CORO7: variants seen among roughly 807,000 people sequenced by gnomAD.
The protein encoded by CORO7 is coronin 7, also known as coronin-7.
A neutral mutation model predicts 126.6 loss-of-function variants in CORO7; 107 were observed. The observed-to-expected ratio is 0.85, with a 90% CI of 0.72 to 0.99. The LOEUF is 0.99. CORO7 is among the 50% of genes least tolerant of loss of function. CORO7 has a pLI of 0.00. For synonymous variants in CORO7, 603 were observed against 536.8 expected (o/e 1.12, Z -1.70); for missense variants, 1,314 against 1,255.8 (o/e 1.05, Z -0.70).
chr16:4,378,091 C>A (rs2054813590), intron 9 of CORO7, among the ~76,000 whole-genome samples: 1 of 152,160 alleles, frequency 6.6e-6, no homozygotes. Flanking sequence ...GTGAAGAGCA[C>A]CCCCCAGCAC....
chr16:4,361,767 C>T (rs753223765), intron 16 of CORO7: 3 of 849,800 alleles, frequency 3.5e-6, no homozygotes, highest in Non-Finnish European at 5.8e-6. Flanking sequence ...GTGACCCGGG[C>T]AGGTCACTAA....
intron 9 of CORO7, among the ~76,000 whole-genome samples, chr16:4,378,336 G>A (rs1227627145): frequency 2.0e-5 from 3 of 152,052 alleles, no homozygotes; most frequent in Admixed American, 1.3e-4. Flanking sequence ...TGCGGCCACA[G>A]TGGTGGCCAG....
At chr16:4,381,992 C>T in intron 9 of CORO7, 1 of 1,606,958 alleles carries the variant, frequency 6.2e-7, no homozygotes, top group Middle Eastern at 1.7e-4. Flanking sequence ...ACAGCCTTGT[C>T]TTCTAGCTTG....
chr16:4,357,328 G>A (rs1288832866), intron 25 of CORO7, 69 bp from the exon 26 acceptor site: 1 of 1,424,458 alleles, frequency 7.0e-7, no homozygotes, highest in East Asian at 2.5e-5. Context: ...AAGCCCTCGG[G>A]GATTTCTTTC....
intron 3 of CORO7, among the ~76,000 whole-genome samples, chr16:4,409,597 G>A (rs368558420): frequency 2.0e-5 from 3 of 152,342 alleles, no homozygotes; most frequent in African/African-American, 7.2e-5. Context: ...CCCAGAGAGG[G>A]TGAGTAACTG....
intron 23 of CORO7, 24 bp from the exon 24 acceptor site, chr16:4,358,507 C>T (rs1327648823): frequency 1.3e-5 from 20 of 1,564,968 alleles, no homozygotes; most frequent in Non-Finnish European, 1.6e-5. Context: ...GGAGTCGGAG[C>T]TGCCGCTGGG....
chr16:4,413,201 C>T (rs1024578534), intron 2 of CORO7, 107 bp downstream of exon 2: 32 of 1,206,184 alleles, frequency 2.7e-5, no homozygotes, highest in Admixed American at 7.2e-5. Context: ...AAAGCAGTTC[C>T]GTTCCAAGTC....
chr16:4,378,822 C>T (rs985767300), intron 9 of CORO7, among the ~76,000 whole-genome samples: 3 of 151,970 alleles, frequency 2.0e-5, no homozygotes, highest in Non-Finnish European at 4.4e-5. Flanking sequence ...GGGGACACCG[C>T]TAGGTTGGGG....
intron 24 of CORO7, 46 bp downstream of exon 24, chr16:4,358,321 C>T (rs1053969116): frequency 6.3e-7 from 1 of 1,598,302 alleles, no homozygotes; most frequent in African/African-American, 1.3e-5. Context: ...CCCCTCTAGG[C>T]ACCGAGAAGG....
intron 21 of CORO7, among the ~76,000 whole-genome samples, chr16:4,359,963 C>T (rs1182924691): frequency 8.4e-6 from 1 of 118,720 alleles, no homozygotes; most frequent in Non-Finnish European, 1.8e-5. Context: ...CCCTCCATCT[C>T]CCCTACCCCC....
At chr16:4,378,374 C>T (rs1049149769) in intron 9 of CORO7, among the ~76,000 whole-genome samples, 1 of 152,162 alleles carries the variant, frequency 6.6e-6, no homozygotes, top group African/African-American at 2.4e-5. Flanking sequence ...CGTGGAGGAT[C>T]CCCTCCCACT....
intron 5 of CORO7, among the ~76,000 whole-genome samples, chr16:4,406,473 A>AT (rs1224960331): frequency 4.7e-5 from 7 of 147,540 alleles, no homozygotes; most frequent in African/African-American, 1.8e-4. Flanking sequence ...TGATTTTTTA[A>AT]TTTTTTGTAG....
chr16:4,387,732 T>C, intron 9 of CORO7: 1 of 567,524 alleles, frequency 1.8e-6, no homozygotes, highest in Non-Finnish European at 3.2e-6. Flanking sequence ...CCCCCAGCCA[T>C]GAAACCTCTG....
At chr16:4,367,893 G>A (rs1354463588) in intron 9 of CORO7, among the ~76,000 whole-genome samples, 1 of 152,032 alleles carries the variant, frequency 6.6e-6, no homozygotes, top group African/African-American at 2.4e-5. Flanking sequence ...GTGACGGTGC[G>A]TTTCAAGCAA....
At chr16:4,412,652 C>G (rs1008311846) in intron 2 of CORO7, 1 of 548,746 alleles carries the variant, frequency 1.8e-6, no homozygotes. Flanking sequence ...AGACATTAGG[C>G]GAGAGGTCCT....
intron 9 of CORO7, among the ~76,000 whole-genome samples, chr16:4,375,549 G>A (rs1259157368): frequency 5.3e-5 from 8 of 152,290 alleles, no homozygotes; most frequent in Non-Finnish European, 1.2e-4. Context: ...GTGCAGTGGC[G>A]CAATATTGGC....
At chr16:4,365,691 C>T in intron 9 of CORO7, 146 bp from the exon 10 acceptor site, 1 of 1,074,252 alleles carries the variant, frequency 9.3e-7, no homozygotes. Flanking sequence ...CCAGGAACCC[C>T]CTCCTCTTCC....
chr16:4,407,826 C>T, intron 4 of CORO7, 142 bp from the exon 5 acceptor site: 1 of 1,089,060 alleles, frequency 9.2e-7, no homozygotes, highest in African/African-American at 1.6e-5. Flanking sequence ...GAGCGCCCAC[C>T]CGCCTCAGCT....
intron 21 of CORO7, 128 bp downstream of exon 21, chr16:4,360,150 C>T: frequency 8.3e-7 from 1 of 1,198,050 alleles, no homozygotes; most frequent in Non-Finnish European, 1.2e-6. Flanking sequence ...CAATCATCTA[C>T]CCACCCACCC....
Sources: gnomAD v4.1 joint callset for allele counts (sites outside exome capture counted in the v4.1 genomes callset) on GRCh38, gnomAD v4.1.1 for gene constraint, MANE v1.5 for transcripts, NCBI Gene and HGNC (gene_info 2026-07-23, HGNC 2026-07-21) for gene names.